The following LRRC4C variants were observed in gnomAD, a reference collection of about 807,000 sequenced individuals.
The protein encoded by LRRC4C is leucine-rich repeat-containing protein 4C.
Under a neutral mutation model 33.6 loss-of-function variants are expected in LRRC4C, and 5 were observed. That is an observed-to-expected ratio of 0.15 (90% CI 0.08 to 0.31). LRRC4C has a LOEUF of 0.31. LRRC4C is among the 10% of genes least tolerant of loss of function. The pLI, the probability that LRRC4C is intolerant of heterozygous loss-of-function variation, is 1.00. For missense variants in LRRC4C, 560 were observed against 796.7 expected (o/e 0.70, Z 3.58); for synonymous variants, 329 against 302.0 (o/e 1.09, Z -0.93).
At chr11:41,190,525 CAAGG>C (rs1457013820) in intron 1 of LRRC4C, among the ~76,000 whole-genome samples, 4 of 152,086 alleles carry the variant, frequency 2.6e-5, no homozygotes, top group African/African-American at 9.7e-5. Flanking sequence ...ATGAATGAAG[CAAGG>C]AATAAATGTT....
chr11:41,138,501 A>G (rs1943362245), intron 1 of LRRC4C, among the ~76,000 whole-genome samples: 1 of 152,202 alleles, frequency 6.6e-6, no homozygotes, highest in Non-Finnish European at 1.5e-5. Flanking sequence ...ATCATAAAAG[A>G]ATGGGAAACT....
intron 1 of LRRC4C, among the ~76,000 whole-genome samples, chr11:41,396,876 C>A (rs989735365): frequency 2.6e-5 from 4 of 151,940 alleles, no homozygotes; most frequent in Admixed American, 6.6e-5. Context: ...TTCTGCACAG[C>A]AAAAGAAACT....
chr11:41,267,033 G>A lies in LRRC4C; in HGVS notation c.-496+192398C>T, dbSNP rs375420264. Among the ~76,000 whole-genome samples, 5 of 152,076 alleles carry A rather than the reference G, an allele frequency of 3.3e-5. No homozygotes were observed. The East Asian group carries it at 9.6e-4, about 29-fold the overall frequency. ...AAGGCTAATCCACTCATCATGGACT[G>A]GGCTAGACCTAAAATTCCATATGTT... On this transcript the variant is annotated intron_variant, in intron 1 of 6. Coordinates refer to ENST00000528697, the MANE Select transcript of LRRC4C (RefSeq NM_001258419.2).
At chr11:40,587,654 A>G (rs1958822034) in intron 3 of LRRC4C, among the ~76,000 whole-genome samples, 1 of 151,570 alleles carries the variant, frequency 6.6e-6, no homozygotes, top group Non-Finnish European at 1.5e-5. Flanking sequence ...CGTCCCATCA[A>G]TACCTAATTT....
chr11:40,367,927 C>T (rs1178509581), intron 3 of LRRC4C, among the ~76,000 whole-genome samples: 1 of 151,454 alleles, frequency 6.6e-6, no homozygotes, highest in Non-Finnish European at 1.5e-5. Flanking sequence ...TATAATGTCC[C>T]ATCTACACAG....
At chr11:40,510,292 G>A (rs761293375) in intron 3 of LRRC4C, among the ~76,000 whole-genome samples, 10 of 150,982 alleles carry the variant, frequency 6.6e-5, no homozygotes, top group Non-Finnish European at 1.0e-4. Context: ...CCTATGAGAA[G>A]CATTGCTATT....
intron 4 of LRRC4C, among the ~76,000 whole-genome samples, chr11:40,254,974 G>A (rs557960822): frequency 5.0e-4 from 76 of 152,196 alleles, no homozygotes; most frequent in African/African-American, 1.7e-3. Context: ...ATGCCTAGCT[G>A]TAATTTGTTT....
intron 1 of LRRC4C, among the ~76,000 whole-genome samples, chr11:41,162,021 A>G (rs545105439): frequency 3.3e-4 from 50 of 152,304 alleles, no homozygotes; most frequent in African/African-American, 1.1e-3. Flanking sequence ...AATTCAGGCT[A>G]TAGTCTTGGC....
chr11:41,198,975 T>C (rs1946296094), intron 1 of LRRC4C, among the ~76,000 whole-genome samples: 2 of 152,118 alleles, frequency 1.3e-5, no homozygotes, highest in Non-Finnish European at 2.9e-5. Flanking sequence ...AAGGTACTAG[T>C]TGCCTTCGTT....
chr11:40,605,879 G>A (rs1449558080), intron 3 of LRRC4C, among the ~76,000 whole-genome samples: 1 of 152,140 alleles, frequency 6.6e-6, no homozygotes, highest in African/African-American at 2.4e-5. Context: ...TGGAAGTGTG[G>A]GTCCTACATT....
chr11:40,485,722 A>C (rs1050277478), intron 3 of LRRC4C, among the ~76,000 whole-genome samples: 1 of 152,094 alleles, frequency 6.6e-6, no homozygotes, highest in Non-Finnish European at 1.5e-5. Flanking sequence ...TCATTGCAGC[A>C]CTATTCACAA....
intron 4 of LRRC4C, among the ~76,000 whole-genome samples, chr11:40,263,193 A>G (rs1941994082): frequency 6.6e-6 from 1 of 152,084 alleles, no homozygotes; most frequent in Non-Finnish European, 1.5e-5. Flanking sequence ...TAGAGGGGAA[A>G]TATAGTACTG....
chr11:40,860,237 G>A (rs527941988), intron 2 of LRRC4C, among the ~76,000 whole-genome samples: 24 of 152,230 alleles, frequency 1.6e-4, no homozygotes, highest in African/African-American at 5.8e-4. Context: ...CACAGAGACA[G>A]ACAGCAGATT....
intron 1 of LRRC4C, among the ~76,000 whole-genome samples, chr11:41,358,223 G>A (rs996789477): frequency 2.6e-5 from 4 of 151,958 alleles, no homozygotes; most frequent in African/African-American, 9.7e-5. Flanking sequence ...TCTATACACA[G>A]AATCTTAGAC....
At chr11:40,351,176 T>A (rs1754789668) in intron 3 of LRRC4C, among the ~76,000 whole-genome samples, 1 of 152,060 alleles carries the variant, frequency 6.6e-6, no homozygotes, top group Non-Finnish European at 1.5e-5. Flanking sequence ...TTCAGGAACA[T>A]ATTGTGTAAT....
intron 1 of LRRC4C, among the ~76,000 whole-genome samples, chr11:41,151,033 G>GAC (rs138062793): frequency 5.4e-5 from 8 of 149,470 alleles, no homozygotes; most frequent in African/African-American, 7.4e-5. Context: ...CACACACACA[G>GAC]ACACACACAC....
Position 40,114,894 on chromosome 11 carries a change from C to T in LRRC4C, c.1399G>A (p.Asp467Asn). ...VTVETMEPSQ[D>N]EARTTDNNVG... ...TTGTTATCTGTGGTCCGTGCCTCATCCTGAGACGGTTCCATAGTCTCTACT... is the reference window on the plus strand; with the variant it reads ...TTGTTATCTGTGGTCCGTGCCTCATTCTGAGACGGTTCCATAGTCTCTACT... Residue 467 changes from aspartate (D) to asparagine (N), a missense_variant, in exon 7 of 7, where the codon GAT (aspartate) becomes AAT (asparagine). Coordinates refer to ENST00000528697, the MANE Select transcript of LRRC4C (RefSeq NM_001258419.2). The T allele has an allele frequency of 6.2e-7, 1 of 1,614,172 alleles. No individual in the cohort carries two copies. Among genetic ancestry groups the T allele is most frequent in the Non-Finnish European group, 8.5e-7 (1 of 1,180,030 alleles).
At chr11:41,455,189 T>C (rs1259318707) in intron 1 of LRRC4C, among the ~76,000 whole-genome samples, 1 of 152,098 alleles carries the variant, frequency 6.6e-6, no homozygotes, top group African/African-American at 2.4e-5. Context: ...GTGCTATTAT[T>C]ATAAATGTAT....
chr11:40,656,091 G>C (rs984913551), intron 2 of LRRC4C, among the ~76,000 whole-genome samples: 4 of 152,054 alleles, frequency 2.6e-5, no homozygotes, highest in African/African-American at 9.7e-5. Flanking sequence ...AGAGATTTTG[G>C]TAGGGACACA....
Sources: gnomAD v4.1 joint callset for allele counts (sites outside exome capture counted in the v4.1 genomes callset) on GRCh38, gnomAD v4.1.1 for gene constraint, MANE v1.5 for transcripts, NCBI Gene and HGNC (gene_info 2026-07-23, HGNC 2026-07-21) for gene names.